The following TUBGCP4 variants were observed in gnomAD, a reference collection of about 807,000 sequenced individuals.
The protein encoded by TUBGCP4 is gamma-tubulin complex component 4.
A neutral mutation model predicts 91.6 loss-of-function variants in TUBGCP4; 54 were observed. The ratio of observed to expected loss-of-function variants is 0.59; its 90% CI spans 0.47 to 0.74. The LOEUF (loss-of-function observed/expected upper bound fraction) is 0.74. Among genes scored for constraint, TUBGCP4 ranks in the 30% least tolerant of loss-of-function variants. TUBGCP4 has a pLI of 0.00. For missense variants in TUBGCP4, 593 were observed against 800.9 expected, an observed-to-expected ratio of 0.74 and a Z score of 3.13; for synonymous variants, 297 against 302.8, an observed-to-expected ratio of 0.98 and a Z score of 0.20.
In TUBGCP4 at chr15:43,407,118, G is replaced by A. The variant is rs1032400927; in HGVS notation, c.*1904G>A. 2.1e-5 allele frequency: 8 copies of A among 375,682 alleles called. No homozygotes were observed. The highest frequency in any genetic ancestry group is 8.1e-5 in the South Asian group (2 of 24,646). The allele number at this position is 375,682 out of a possible 1,614,324, so 23.3% of individuals were successfully genotyped here. On this transcript the variant is annotated 3_prime_UTR_variant, in exon 18 of 18. Transcript: ENST00000564079. Reference sequence around the variant, plus strand: ...CAATTTCCTTGGCCAGCTGTCCTCCGTAAGTGAATAAGCCTGTTGAAAGAC... The same window carrying A: ...CAATTTCCTTGGCCAGCTGTCCTCCATAAGTGAATAAGCCTGTTGAAAGAC...
At chr15:43,395,058 G>T (rs748875882) in intron 9 of TUBGCP4, 49 bp from the exon 10 acceptor site, 2 of 1,591,188 alleles carry the variant, frequency 1.3e-6, no homozygotes, top group African/African-American at 2.7e-5. Context: ...CTTTGCAGGA[G>T]TTCTCACTGT....
Position 43,371,315 on chromosome 15 carries a change from A to AG in TUBGCP4, c.-35dup, listed in dbSNP as rs1397071925. 2 of 1,599,908 alleles carry AG rather than the reference A, an allele frequency of 1.3e-6. No homozygotes were observed. The highest frequency in any genetic ancestry group is 1.7e-5 in the Admixed American group (1 of 58,528). On this transcript the variant is annotated 5_prime_UTR_variant, in exon 1 of 18. Coordinates refer to ENST00000564079, the MANE Select transcript of TUBGCP4 (RefSeq NM_014444.5). ...TGGTCGCCTGGAGGTGCGCTGGAGG[A>AG]GGGGGTGACATAACCAGGGACTCGA... is the stretch of plus-strand genomic sequence containing the variant.
chr15:43,388,847 G>A lies in TUBGCP4; in HGVS notation c.1014+2517G>A, dbSNP rs935704118. 5.3e-5 allele frequency among the ~76,000 whole-genome samples: 8 copies of A among 152,188 alleles called. No individual in the cohort carries two copies. In the East Asian group the frequency reaches 1.5e-3, roughly 29 times the overall value. On this transcript the variant is annotated intron_variant, in intron 9 of 17. Transcript: ENST00000564079. ...AAAAGCTGTGCCCTGAAGGAAAAGG[G>A]GGGAGTGTTTTGTAAATATGTGTTA...
rs1191686534 is a variant in TUBGCP4, at chr15:43,405,718, C to A, written c.*504C>A. 1.3e-5 allele frequency: 2 copies of A among 153,248 alleles called. No homozygotes were observed. The highest frequency in any genetic ancestry group is 2.4e-5 in the African/African-American group (1 of 41,424). The allele number at this position is 153,248 out of a possible 1,614,324, so 9.5% of individuals were successfully genotyped here. ...GTAATTTATACCTACACAGATTGGG[C>A]AATTCTAGCTAATGAAAATATACTT... On this transcript the variant is annotated 3_prime_UTR_variant, in exon 18 of 18. Transcript: ENST00000564079.
intron 9 of TUBGCP4, among the ~76,000 whole-genome samples, chr15:43,389,540 C>G (rs1014060785): frequency 2.0e-5 from 3 of 152,132 alleles, no homozygotes; most frequent in Non-Finnish European, 4.4e-5. Context: ...ACTGCTCTTT[C>G]TGTGTCAATT....
Position 43,407,039 on chromosome 15 carries a change from C to T in TUBGCP4, c.*1825C>T, listed in dbSNP as rs1216780523. The stretch of plus-strand genomic sequence containing the variant: ...CTGCAAGCATAGCATTTTAGACACC[C>T]TGGAATAACCTTTTGGGAATGATGC... On this transcript the variant is annotated 3_prime_UTR_variant, in exon 18 of 18. Coordinates refer to ENST00000564079, the MANE Select transcript of TUBGCP4 (RefSeq NM_014444.5). The T allele has an allele frequency of 4.0e-6, 1 of 249,646 alleles. No individual in the cohort carries two copies. The highest frequency in any genetic ancestry group is 7.9e-6 in the Non-Finnish European group (1 of 127,224). 15.5% of individuals were successfully genotyped at this position (249,646 alleles called of 1,614,324 possible).
intron 5 of TUBGCP4, among the ~76,000 whole-genome samples, chr15:43,379,534 G>A (rs949284047): frequency 6.6e-5 from 10 of 151,864 alleles, no homozygotes; most frequent in African/African-American, 1.7e-4. Flanking sequence ...CGCACTACTC[G>A]GGAGGCTGAG....
chr15:43,374,401 G>A (rs955786077), intron 1 of TUBGCP4, among the ~76,000 whole-genome samples: 1 of 152,110 alleles, frequency 6.6e-6, no homozygotes, highest in Non-Finnish European at 1.5e-5. Flanking sequence ...TTAATGCCAG[G>A]AGTTTGAGGC....
chr15:43,371,494 C>T, intron 1 of TUBGCP4, 62 bp downstream of exon 1: 1 of 1,554,870 alleles, frequency 6.4e-7, no homozygotes. Flanking sequence ...GAGCCAGCGC[C>T]TGGGGGAGTA....
intron 1 of TUBGCP4, among the ~76,000 whole-genome samples, chr15:43,375,047 C>G (rs531074312): frequency 6.6e-6 from 1 of 152,296 alleles, no homozygotes; most frequent in South Asian, 2.1e-4. Flanking sequence ...GCATTACAGG[C>G]GCCCACCACC....
In TUBGCP4 at chr15:43,407,681, C is replaced by G; in HGVS notation, c.*2467C>G. ...ATCCCACTCTGCACAAACCAAAGCC[C>G]TATTATGTCAAACACACTGCTACTG... On this transcript the variant is annotated 3_prime_UTR_variant, in exon 18 of 18. Transcript: ENST00000564079. 2 of 1,078,580 alleles carry G rather than the reference C, an allele frequency of 1.9e-6. No individual in the cohort carries two copies. The highest frequency in any genetic ancestry group is 2.6e-6 in the Non-Finnish European group (2 of 756,560). 66.8% of individuals were successfully genotyped at this position (1,078,580 alleles called of 1,614,324 possible). A position where few individuals can be genotyped will look rare whatever the true frequency, so the allele number is the denominator to read the frequency against.
At chr15:43,380,981 A>AT (rs2044277303) in intron 6 of TUBGCP4, among the ~76,000 whole-genome samples, 1 of 152,026 alleles carries the variant, frequency 6.6e-6, no homozygotes, top group Non-Finnish European at 1.5e-5. Context: ...TTTTATTTTA[A>AT]TTTTTTGTAG....
intron 7 of TUBGCP4, among the ~76,000 whole-genome samples, chr15:43,383,803 T>C (rs546136532): frequency 6.6e-6 from 1 of 151,640 alleles, no homozygotes; most frequent in East Asian, 1.9e-4. Context: ...CAGTTTGGAG[T>C]TTTGTTTTTT....
Position 43,409,517 on chromosome 15 carries a change from C to A in TUBGCP4, c.*4303C>A. 1 of 528,754 alleles carries A rather than the reference C, an allele frequency of 1.9e-6. No homozygotes were observed. The highest frequency in any genetic ancestry group is 3.6e-5 in the South Asian group (1 of 27,780). 32.8% of individuals were successfully genotyped at this position (528,754 alleles called of 1,614,324 possible). A position where few individuals can be genotyped will look rare whatever the true frequency, so the allele number is the denominator to read the frequency against. On this transcript the variant is annotated 3_prime_UTR_variant, in exon 18 of 18. Transcript: ENST00000564079. ...TCTATTTCATGCAAAAACATTTTGG[C>A]AGTTTCTCAGTTCCTGAAATCTCTG...
Position 43,404,401 on chromosome 15 carries a change from TTC to T in TUBGCP4, c.1849-6_1849-5del, listed in dbSNP as rs1158156506. The T allele has an allele frequency of 1.9e-6, 3 of 1,613,944 alleles. No homozygotes were observed. In the Admixed American group the frequency reaches 5.0e-5, roughly 27 times the overall value. On this transcript the variant is annotated splice_polypyrimidine_tract_variant and intron_variant, in intron 16 of 17. Coordinates refer to ENST00000564079, the MANE Select transcript of TUBGCP4 (RefSeq NM_014444.5). ...CTGAAGTGGAATGACAGCTGAGTCCTTCTCTCTGCAGGGCTTTAGCCGCCAGT... is the reference window on the plus strand; with the variant it reads ...CTGAAGTGGAATGACAGCTGAGTCCTTCTCTGCAGGGCTTTAGCCGCCAGT...
intron 7 of TUBGCP4, among the ~76,000 whole-genome samples, chr15:43,385,101 A>G (rs543390152): frequency 1.3e-5 from 2 of 152,230 alleles, no homozygotes; most frequent in East Asian, 1.9e-4. Context: ...AGATGGGTCT[A>G]ATGGGGGGCA....
intron 8 of TUBGCP4, 88 bp downstream of exon 8, chr15:43,386,044 G>C (rs1030695938): frequency 3.9e-6 from 6 of 1,546,472 alleles, no homozygotes; most frequent in African/African-American, 1.4e-5. Context: ...TGGTCAGAGC[G>C]AGTGGTCGAT....
chr15:43,398,103 G>A lies in TUBGCP4; in HGVS notation c.1342G>A (p.Gly448Ser). Residue 448 changes from glycine (G) to serine (S), a missense_variant, in exon 13 of 18, where the codon GGC becomes AGC. Gly to Ser is a moderately conservative substitution (Grantham distance 56). Transcript: ENST00000564079. ...TTCTCCCCGGGAAGCCCCTGCATCT[G>A]GCTGGGCAGCCCTAGGTCTTTCCTA... The part of the protein sequence containing the change: ...ETSPREAPAS[G>S]WAALGLSYKV... 1 of 1,614,108 alleles carries A rather than the reference G, an allele frequency of 6.2e-7. No homozygotes were observed. Among genetic ancestry groups the A allele is most frequent in the Non-Finnish European group, 8.5e-7 (1 of 1,179,994 alleles).
intron 9 of TUBGCP4, among the ~76,000 whole-genome samples, chr15:43,393,606 C>A (rs1381245709): frequency 6.6e-6 from 1 of 152,014 alleles, no homozygotes; most frequent in Non-Finnish European, 1.5e-5. Flanking sequence ...GTCCCCCCAC[C>A]CTACAACAGT....
Sources: gnomAD v4.1 joint callset for allele counts (sites outside exome capture counted in the v4.1 genomes callset) on GRCh38, gnomAD v4.1.1 for gene constraint, MANE v1.5 for transcripts, NCBI Gene and HGNC (gene_info 2026-07-23, HGNC 2026-07-21) for gene names.